The following TRAPPC3L variants were observed in gnomAD, a reference collection of about 807,000 sequenced individuals.
The protein encoded by TRAPPC3L is trafficking protein particle complex subunit 3-like protein.
In TRAPPC3L, 23 loss-of-function variants were observed where a neutral mutation model predicts 23.7. The observed-to-expected ratio is 0.97, with a 90% CI of 0.70 to 1.37. The LOEUF is 1.37. TRAPPC3L is among the 40% of genes most tolerant of loss of function. TRAPPC3L has a pLI of 0.00. For missense variants in TRAPPC3L, 212 were observed against 216.8 expected, an observed-to-expected ratio of 0.98 and a Z score of 0.14; for synonymous variants, 81 against 77.9, an observed-to-expected ratio of 1.04 and a Z score of -0.21.
chr6:116,516,708 T>TATATATACAC (rs1198977627), intron 3 of TRAPPC3L: 1 of 119,650 alleles, frequency 8.4e-6, no homozygotes, highest in African/African-American at 3.5e-5. Flanking sequence ...TATATATATA[T>TATATATACAC]ACACACACAC....
At chr6:116,540,786 A>G (rs1310760056) in intron 2 of TRAPPC3L, among the ~76,000 whole-genome samples, 1 of 152,172 alleles carries the variant, frequency 6.6e-6, no homozygotes, top group African/African-American at 2.4e-5. Flanking sequence ...AGTGGCAGCT[A>G]ATTTTCTCAT....
At chr6:116,516,759 T>A (rs1400138988) in intron 3 of TRAPPC3L, 1 of 149,644 alleles carries the variant, frequency 6.7e-6, no homozygotes, top group Non-Finnish European at 1.5e-5. Flanking sequence ...AAGGTGAATA[T>A]ATTAGCATTT....
At chr6:116,539,138 A>G (rs891907681) in intron 3 of TRAPPC3L, among the ~76,000 whole-genome samples, 1 of 152,214 alleles carries the variant, frequency 6.6e-6, no homozygotes, top group African/African-American at 2.4e-5. Flanking sequence ...ATCTACATTT[A>G]TATATTACAA....
chr6:116,502,074 T>C (rs953414522), intron 3 of TRAPPC3L, among the ~76,000 whole-genome samples: 1 of 152,152 alleles, frequency 6.6e-6, no homozygotes, highest in African/African-American at 2.4e-5. Context: ...AACAAACTTC[T>C]CCGAGCTAAA....
chr6:116,531,251 G>A (rs1772704568), intron 3 of TRAPPC3L, among the ~76,000 whole-genome samples: 1 of 151,934 alleles, frequency 6.6e-6, no homozygotes, highest in Admixed American at 6.6e-5. Context: ...CTTTAAATAT[G>A]AAACACATAG....
intron 3 of TRAPPC3L, among the ~76,000 whole-genome samples, chr6:116,536,745 G>C (rs1016802705): frequency 3.3e-5 from 5 of 152,164 alleles, no homozygotes; most frequent in African/African-American, 1.2e-4. Context: ...TGAGAGGGGA[G>C]CCAAACAAAT....
chr6:116,526,766 T>C (rs1343166341), intron 3 of TRAPPC3L, among the ~76,000 whole-genome samples: 1 of 152,164 alleles, frequency 6.6e-6, no homozygotes, highest in Non-Finnish European at 1.5e-5. Flanking sequence ...TCCCAGGGTA[T>C]TTACTCCATG....
intron 3 of TRAPPC3L, chr6:116,515,625 C>T (rs1423756894): frequency 6.2e-7 from 1 of 1,612,428 alleles, no homozygotes; most frequent in Non-Finnish European, 8.5e-7. Context: ...CTGATTTGTT[C>T]AGCGTCTTTC....
chr6:116,539,816 C>T (rs1052996582), intron 3 of TRAPPC3L, among the ~76,000 whole-genome samples: 4 of 152,132 alleles, frequency 2.6e-5, no homozygotes, highest in African/African-American at 9.7e-5. Context: ...TAAAGGCTGG[C>T]TAAAGATGCA....
chr6:116,496,980 C>T lies in TRAPPC3L; in HGVS notation c.520G>A (p.Glu174Lys), dbSNP rs1044258281. The change falls in exon 5 of 5, where the codon GAG (glutamate) becomes AAG (lysine). Residue 174 changes from glutamate (E) to lysine (K), a missense_variant. Glu to Lys is a moderately conservative substitution (Grantham distance 56). Transcript: ENST00000368602. ...IGITFLKKRD[E>K]KKYRGKK ...CATTTTTTCCCTCTATATTTTTTCTCGTCTCGCTTTTTTAGAAATGTTATT... is the reference window on the plus strand; with the variant it reads ...CATTTTTTCCCTCTATATTTTTTCTTGTCTCGCTTTTTTAGAAATGTTATT... The T allele has an allele frequency of 3.9e-6, 6 of 1,545,098 alleles. No individual in the cohort carries two copies. The Admixed American group carries it at 6.1e-5, about 16-fold the overall frequency.
intron 3 of TRAPPC3L, among the ~76,000 whole-genome samples, chr6:116,502,908 C>T (rs1216409439): frequency 1.3e-5 from 2 of 152,178 alleles, no homozygotes; most frequent in Non-Finnish European, 2.9e-5. Flanking sequence ...CCGATACCAG[C>T]CACTGCAAAA....
At chr6:116,510,624 A>G (rs1205248067) in intron 3 of TRAPPC3L, among the ~76,000 whole-genome samples, 1 of 152,136 alleles carries the variant, frequency 6.6e-6, no homozygotes, top group Admixed American at 6.6e-5. Context: ...TACTAAAAGT[A>G]GATCTACTAT....
At chr6:116,505,669 A>G (rs2115158503) in intron 3 of TRAPPC3L, among the ~76,000 whole-genome samples, 1 of 152,310 alleles carries the variant, frequency 6.6e-6, no homozygotes, top group East Asian at 1.9e-4. Context: ...ACCAAAACAG[A>G]TATATAGACC....
At chr6:116,513,459 C>G (rs1335313413) in intron 3 of TRAPPC3L, among the ~76,000 whole-genome samples, 3 of 152,200 alleles carry the variant, frequency 2.0e-5, no homozygotes, top group Non-Finnish European at 4.4e-5. Context: ...AGTCACCAGG[C>G]TCCATTCAGT....
At chr6:116,511,710 A>G (rs370249653) in intron 3 of TRAPPC3L, 33 of 1,613,456 alleles carry the variant, frequency 2.0e-5, no homozygotes, top group Non-Finnish European at 2.7e-5. Flanking sequence ...GATGCTTTTC[A>G]GGGCATTTTA....
intron 4 of TRAPPC3L, among the ~76,000 whole-genome samples, chr6:116,499,835 C>T (rs914923495): frequency 2.0e-5 from 3 of 152,216 alleles, no homozygotes; most frequent in African/African-American, 7.2e-5. Context: ...GTACATCTGA[C>T]TTTTCCATTA....
At chr6:116,509,439 C>T (rs959689634) in intron 3 of TRAPPC3L, among the ~76,000 whole-genome samples, 4 of 152,130 alleles carry the variant, frequency 2.6e-5, no homozygotes, top group South Asian at 4.1e-4. Flanking sequence ...TACCTGACTT[C>T]AAATTATACT....
chr6:116,511,250 C>T (rs1340173425), intron 3 of TRAPPC3L, among the ~76,000 whole-genome samples: 1 of 150,074 alleles, frequency 6.7e-6, no homozygotes, highest in African/African-American at 2.4e-5. Context: ...AAATCCCTGT[C>T]TTCCAAATCT....
At chr6:116,515,664 G>T in intron 3 of TRAPPC3L, 1 of 1,613,928 alleles carries the variant, frequency 6.2e-7, no homozygotes, top group Non-Finnish European at 8.5e-7. Flanking sequence ...TGTTATGCTC[G>T]CTGCCGATCT....
Sources: gnomAD v4.1 joint callset for allele counts (sites outside exome capture counted in the v4.1 genomes callset) on GRCh38, gnomAD v4.1.1 for gene constraint, MANE v1.5 for transcripts, NCBI Gene and HGNC (gene_info 2026-07-23, HGNC 2026-07-21) for gene names.